The following PRKAR2B variants were observed in gnomAD, a reference collection of about 807,000 sequenced individuals.
PRKAR2B encodes the protein protein kinase cAMP-dependent type II regulatory subunit beta.
A neutral mutation model predicts 49.9 loss-of-function variants in PRKAR2B; 14 were observed. The observed-to-expected ratio is 0.28, with a 90% confidence interval of 0.19 to 0.44. The LOEUF (loss-of-function observed/expected upper bound fraction) is 0.44. Among genes scored for constraint, PRKAR2B ranks in the 20% least tolerant of loss-of-function variants. PRKAR2B has a pLI of 1.00. For synonymous variants in PRKAR2B, 196 were observed against 197.7 expected, an observed-to-expected ratio of 0.99 and a Z score of 0.07; for missense variants, 393 against 537.9, an observed-to-expected ratio of 0.73 and a Z score of 2.67.
At chr7:107,079,451 A>G (rs1794472774) in intron 2 of PRKAR2B, 1 of 152,084 alleles carries the variant, frequency 6.6e-6, no homozygotes, top group Non-Finnish European at 1.5e-5. Flanking sequence ...ATTAAAAAAA[A>G]AAAAACAAAC....
intron 2 of PRKAR2B, among the ~76,000 whole-genome samples, chr7:107,094,204 C>T (rs1383115558): frequency 6.6e-6 from 1 of 152,188 alleles, no homozygotes; most frequent in African/African-American, 2.4e-5. Flanking sequence ...GATCGCCATT[C>T]TAACTGGTGT....
rs139761633 is a variant in PRKAR2B, at chr7:107,082,847, G to A, written c.343+12531G>A. ...CCTGAGCTCAAAGAATCCAGTGCCC[G>A]CCTTGGTCTCCCAAAGTGTTGGGAT... On this transcript the variant is annotated intron_variant, in intron 2 of 10. Transcript: ENST00000265717. 5.9e-5 allele frequency among the ~76,000 whole-genome samples: 9 copies of A among 152,188 alleles called. No homozygotes were observed. The East Asian group carries it at 1.2e-3, about 20-fold the overall frequency.
chr7:107,112,792 C>G (rs1795200942), intron 2 of PRKAR2B, among the ~76,000 whole-genome samples: 1 of 151,864 alleles, frequency 6.6e-6, no homozygotes, highest in South Asian at 2.1e-4. Context: ...AATATGTGTT[C>G]TATATTTTGA....
intron 4 of PRKAR2B, among the ~76,000 whole-genome samples, chr7:107,131,159 A>G (rs183638970): frequency 6.6e-6 from 1 of 152,352 alleles, no homozygotes; most frequent in African/African-American, 2.4e-5. Flanking sequence ...TTATGTTTGC[A>G]TGCTTTCCTA....
rs1275141989 is a variant in PRKAR2B, at chr7:107,084,234, A to G, written c.343+13918A>G. Among the ~76,000 whole-genome samples the G allele has an allele frequency of 2.0e-5, 3 of 152,130 alleles. No individual in the cohort carries two copies. The South Asian group carries it at 6.2e-4, about 31-fold the overall frequency. Reference sequence around the variant, plus strand: ...GCTTTTTTGGTAACAAGTTTTTTACATTTTAAAGTTGTTCTTTATATTTTA... The same window carrying G: ...GCTTTTTTGGTAACAAGTTTTTTACGTTTTAAAGTTGTTCTTTATATTTTA... On this transcript the variant is annotated intron_variant, in intron 2 of 10. Transcript: ENST00000265717.
intron 1 of PRKAR2B, among the ~76,000 whole-genome samples, chr7:107,068,136 C>T (rs1280306115): frequency 3.9e-5 from 6 of 152,130 alleles, no homozygotes; most frequent in South Asian, 2.1e-4. Context: ...ATAGCGATGC[C>T]ACCTTTGTGG....
At chr7:107,111,746 A>C (rs1795176283) in intron 2 of PRKAR2B, among the ~76,000 whole-genome samples, 1 of 152,126 alleles carries the variant, frequency 6.6e-6, no homozygotes, top group African/African-American at 2.4e-5. Flanking sequence ...TTACTTGATG[A>C]GCACTTACGG....
At chr7:107,136,723 G>T (rs9648946) in intron 4 of PRKAR2B, among the ~76,000 whole-genome samples, 59,894 of 152,068 alleles carry the variant, frequency 0.39, 14,476 homozygotes, top group Non-Finnish European at 0.51. Context: ...ATGCAAAATG[G>T]TACAGCCACT....
At chr7:107,095,071 C>T (rs903847809) in intron 2 of PRKAR2B, among the ~76,000 whole-genome samples, 1 of 152,074 alleles carries the variant, frequency 6.6e-6, no homozygotes, top group Non-Finnish European at 1.5e-5. Context: ...ATTGGGATGG[C>T]GTTGAGTCTG....
In PRKAR2B at chr7:107,085,894, G is replaced by A. The variant is rs142127026; in HGVS notation, c.343+15578G>A. Among the ~76,000 whole-genome samples the A allele has an allele frequency of 3.5e-4, 53 of 152,240 alleles. No individual in the cohort carries two copies. In the East Asian group the frequency reaches 9.2e-3, roughly 27 times the overall value. Reference sequence around the variant, plus strand: ...CATAGTTTTGCAAGTACATCTACAGGATATATTTTTTAGAAGTGGAATTGC... The same window carrying A: ...CATAGTTTTGCAAGTACATCTACAGAATATATTTTTTAGAAGTGGAATTGC... On this transcript the variant is annotated intron_variant, in intron 2 of 10. Coordinates refer to ENST00000265717, the MANE Select transcript of PRKAR2B (RefSeq NM_002736.3).
Position 107,059,696 on chromosome 7 carries a change from A to ATGTGTGTGTG in PRKAR2B, c.308-10571_308-10562dup, listed in dbSNP as rs10692192. 4.7e-3 allele frequency among the ~76,000 whole-genome samples: 696 copies of ATGTGTGTGTG among 149,660 alleles called. 6 individuals carry two copies. Among genetic ancestry groups the ATGTGTGTGTG allele is most frequent in the African/African-American group, 0.013 (515 of 40,826 alleles). Reference sequence around the variant, plus strand: ...ATTTTTTGTTATAGTGCTGTAGTGAATGTGTGTGTGTGTGTGTGTGTGTAT... The same window carrying ATGTGTGTGTG: ...ATTTTTTGTTATAGTGCTGTAGTGAATGTGTGTGTGTGTGTGTGTGTGTGTGTGTGTGTAT... On this transcript the variant is annotated intron_variant, in intron 1 of 10. Transcript: ENST00000265717.
intron 6 of PRKAR2B, among the ~76,000 whole-genome samples, chr7:107,146,902 C>T (rs1475394005): frequency 3.5e-4 from 53 of 152,176 alleles, no homozygotes; most frequent in Admixed American, 3.5e-3. Context: ...TCTGGGGCCC[C>T]ACCCACTGAT....
At chr7:107,110,077 G>A (rs1363670245) in intron 2 of PRKAR2B, among the ~76,000 whole-genome samples, 1 of 152,198 alleles carries the variant, frequency 6.6e-6, no homozygotes, top group African/African-American at 2.4e-5. Flanking sequence ...TGGCCGCATG[G>A]TGCAGAGAGA....
At chr7:107,105,718 C>T (rs2116818391) in intron 2 of PRKAR2B, among the ~76,000 whole-genome samples, 1 of 152,126 alleles carries the variant, frequency 6.6e-6, no homozygotes, top group East Asian at 1.9e-4. Context: ...CTGGGGTAGT[C>T]CCTTTTCCAG....
At chr7:107,154,241 A>C (rs1271933439) in intron 8 of PRKAR2B, among the ~76,000 whole-genome samples, 1 of 152,208 alleles carries the variant, frequency 6.6e-6, no homozygotes, top group Non-Finnish European at 1.5e-5. Flanking sequence ...GATTCACAGG[A>C]AGTTGCAAAA....
intron 1 of PRKAR2B, chr7:107,069,662 A>G (rs1330240333): frequency 6.6e-6 from 1 of 152,312 alleles, no homozygotes; most frequent in Non-Finnish European, 1.5e-5. Context: ...TGGTGCGCAC[A>G]CCAGGATGAG....
At chr7:107,144,716 C>A (rs1795857054) in intron 5 of PRKAR2B, among the ~76,000 whole-genome samples, 1 of 151,912 alleles carries the variant, frequency 6.6e-6, no homozygotes, top group Non-Finnish European at 1.5e-5. Flanking sequence ...CCTTGGCCTC[C>A]CAAAACATTG....
At chr7:107,151,075 T>C (rs1294243485) in intron 7 of PRKAR2B, 52 bp downstream of exon 7, 1 of 1,101,102 alleles carries the variant, frequency 9.1e-7, no homozygotes, top group Non-Finnish European at 1.3e-6. Context: ...GTTTCTGTTT[T>C]GCTAGGAATA....
chr7:107,149,905 C>T (rs1254458851), intron 6 of PRKAR2B, among the ~76,000 whole-genome samples: 4 of 151,906 alleles, frequency 2.6e-5, no homozygotes, highest in Non-Finnish European at 5.9e-5. Flanking sequence ...GGCAGATACC[C>T]CATTCTCTAT....
Sources: gnomAD v4.1 joint callset for allele counts (sites outside exome capture counted in the v4.1 genomes callset) on GRCh38, gnomAD v4.1.1 for gene constraint, MANE v1.5 for transcripts, NCBI Gene and HGNC (gene_info 2026-07-23, HGNC 2026-07-21) for gene names.